Variants in GUCY2C observed in about 807,000 individuals in gnomAD.
GUCY2C encodes guanylate cyclase 2C.
Under a neutral mutation model 131.1 loss-of-function variants are expected in GUCY2C, and 118 were observed. The observed-to-expected ratio is 0.90, with a 90% confidence interval of 0.78 to 1.05. The LOEUF (loss-of-function observed/expected upper bound fraction) is 1.05, where lower values mean the gene tolerates loss of function less well. GUCY2C is among the 50% of genes least tolerant of loss of function. GUCY2C has a pLI of 0.00. For missense variants in GUCY2C, 1,161 were observed against 1,304.4 expected (o/e 0.89, Z 1.69); for synonymous variants, 452 against 457.8 (o/e 0.99, Z 0.16).
rs769863207 is a variant in GUCY2C, at chr12:14,628,626, A to G, written c.2249+20T>C. ...TAAAACCCTGCAATTAGTGAATAAA[A>G]GTAAACATTTCAGCAATACCCAAAT... On this transcript the variant is annotated intron_variant, in intron 20 of 26. Coordinates refer to ENST00000261170, the MANE Select transcript of GUCY2C (RefSeq NM_004963.4). 1.6e-6 allele frequency: 2 copies of G among 1,246,600 alleles called. No homozygotes were observed. The highest frequency in any genetic ancestry group is 1.7e-5 in the Admixed American group (1 of 59,396). 77.2% of individuals were successfully genotyped at this position (1,246,600 alleles called of 1,614,324 possible). A position where few individuals can be genotyped will look rare whatever the true frequency, so the allele number is the denominator to read the frequency against.
intron 7 of GUCY2C, among the ~76,000 whole-genome samples, chr12:14,675,207 C>CA (rs35870014): frequency 0.11 from 3,918 of 34,532 alleles, 272 homozygotes; most frequent in Admixed American, 0.18. Flanking sequence ...AACTCCATCT[C>CA]AAAAAAAAAA....
intron 10 of GUCY2C, among the ~76,000 whole-genome samples, chr12:14,666,333 G>A (rs1947979447): frequency 6.6e-6 from 1 of 152,210 alleles, no homozygotes; most frequent in Admixed American, 6.5e-5. Context: ...GTACAGCTGC[G>A]GGCATTCATC....
chr12:14,687,670 A>G (rs915176120), intron 2 of GUCY2C, among the ~76,000 whole-genome samples: 1 of 152,174 alleles, frequency 6.6e-6, no homozygotes, highest in Non-Finnish European at 1.5e-5. Flanking sequence ...AAAATTTTTA[A>G]AACAATTTAA....
chr12:14,668,923 C>A (rs181817491), intron 10 of GUCY2C, among the ~76,000 whole-genome samples: 33 of 152,220 alleles, frequency 2.2e-4, no homozygotes, highest in African/African-American at 7.5e-4. Flanking sequence ...ATCATTGCAA[C>A]CCAAATATGT....
At chr12:14,665,476 T>C (rs779499991) in intron 10 of GUCY2C, among the ~76,000 whole-genome samples, 50 of 152,318 alleles carry the variant, frequency 3.3e-4, no homozygotes, top group Admixed American at 5.9e-4. Context: ...ACTTGGACTG[T>C]ATTCTGTAGG....
At chr12:14,623,200 C>G (rs1473762276) in intron 21 of GUCY2C, among the ~76,000 whole-genome samples, 1 of 152,172 alleles carries the variant, frequency 6.6e-6, no homozygotes, top group Non-Finnish European at 1.5e-5. Flanking sequence ...GCCTTCAGTC[C>G]CACCCATCAG....
intron 20 of GUCY2C, among the ~76,000 whole-genome samples, 195 bp from the exon 21 acceptor site, chr12:14,626,110 C>A (rs577062743): frequency 1.3e-5 from 2 of 152,144 alleles, no homozygotes; most frequent in South Asian, 4.1e-4. Flanking sequence ...GAGTCCGAGG[C>A]GGGAGGATCA....
intron 1 of GUCY2C, among the ~76,000 whole-genome samples, chr12:14,694,208 G>T (rs1948620473): frequency 6.6e-6 from 1 of 152,154 alleles, no homozygotes; most frequent in Admixed American, 6.5e-5. Flanking sequence ...AATAAATCAA[G>T]ATCTGTCAGG....
chr12:14,675,230 GA>G (rs1338137300), intron 7 of GUCY2C, among the ~76,000 whole-genome samples: 1 of 97,886 alleles, frequency 1.0e-5, no homozygotes, highest in East Asian at 3.2e-4. Context: ...AAAAAAAAAA[GA>G]AAAAAAGAAA....
intron 5 of GUCY2C, 37 bp downstream of exon 5, chr12:14,681,319 A>T (rs1283666707): frequency 6.3e-6 from 10 of 1,596,052 alleles, no homozygotes; most frequent in East Asian, 4.5e-5. Context: ...CATAAAGAAG[A>T]AGTTAGCAAA....
rs7955647 is a variant in GUCY2C at position 14,618,957 on chromosome 12, T to A, written c.2875+254A>T. Among the ~76,000 whole-genome samples, 137,916 of 152,146 alleles carry A rather than the reference T, an allele frequency of 0.91. 63,829 individuals carry two copies. Among genetic ancestry groups the A allele is most frequent in the Non-Finnish European group, 0.99 (67,461 of 68,026 alleles). ...CTAAGTAGAATATCCCCAGATTCAT[T>A]GTATATGAGCCAAAAATATAGAAAT... On this transcript the variant is annotated intron_variant, in intron 24 of 26. Coordinates refer to ENST00000261170, the MANE Select transcript of GUCY2C (RefSeq NM_004963.4).
intron 11 of GUCY2C, among the ~76,000 whole-genome samples, chr12:14,660,647 T>C (rs1488625811): frequency 6.6e-6 from 1 of 152,232 alleles, no homozygotes; most frequent in Non-Finnish European, 1.5e-5. Context: ...TTTGTATACA[T>C]GTTCCATTTC....
chr12:14,634,314 A>T (rs1423083666), intron 19 of GUCY2C, among the ~76,000 whole-genome samples: 1 of 152,212 alleles, frequency 6.6e-6, no homozygotes, highest in Non-Finnish European at 1.5e-5. Flanking sequence ...AGAAGAAATA[A>T]AGGCTGTCCC....
intron 11 of GUCY2C, among the ~76,000 whole-genome samples, chr12:14,657,375 T>G (rs1257442673): frequency 6.6e-6 from 1 of 152,182 alleles, no homozygotes. Flanking sequence ...AAAAAATATG[T>G]TTAAAGAAAA....
chr12:14,648,442 AC>A (rs1226230820), intron 15 of GUCY2C, among the ~76,000 whole-genome samples: 1 of 152,036 alleles, frequency 6.6e-6, no homozygotes, highest in African/African-American at 2.4e-5. Context: ...CTCTACAGAA[AC>A]CTCAACCTTC....
chr12:14,653,008 C>G lies in GUCY2C; in HGVS notation c.1477G>C (p.Asp493His). 1 of 1,609,760 alleles carries G rather than the reference C, an allele frequency of 6.2e-7. No homozygotes were observed. The highest frequency in any genetic ancestry group is 8.5e-7 in the Non-Finnish European group (1 of 1,176,036). The change falls in exon 13 of 27, where the codon GAT (aspartate) becomes CAT (histidine). Residue 493 changes from aspartate (D) to histidine (H), a missense_variant. By Grantham distance (81) the Asp-to-His change is moderately conservative (BLOSUM62 -1). Coordinates refer to ENST00000261170, the MANE Select transcript of GUCY2C (RefSeq NM_004963.4). ...ETNHVSLKID[D>H]DKRRDTIQRL... The stretch of plus-strand genomic sequence containing the variant: ...TGGATTGTATCTCGTCTTTTGTCAT[C>G]ATCGATCTGGCACAAGAAAAGGCTA...
chr12:14,649,583 T>C (rs1487844624), intron 15 of GUCY2C, among the ~76,000 whole-genome samples: 1 of 152,172 alleles, frequency 6.6e-6, no homozygotes, highest in African/African-American at 2.4e-5. Flanking sequence ...AATAATTGGA[T>C]ATGGTTAATT....
chr12:14,644,084 A>G (rs1048915389), intron 16 of GUCY2C, among the ~76,000 whole-genome samples: 2 of 152,228 alleles, frequency 1.3e-5, no homozygotes, highest in African/African-American at 4.8e-5. Context: ...AATATGAATA[A>G]TAGTGCCTTG....
intron 2 of GUCY2C, among the ~76,000 whole-genome samples, chr12:14,687,431 G>A (rs1386228841): frequency 1.3e-5 from 2 of 152,100 alleles, no homozygotes; most frequent in Non-Finnish European, 2.9e-5. Context: ...ACCAGCCTGA[G>A]CAACGTGGTG....
Sources: gnomAD v4.1 joint callset for allele counts (sites outside exome capture counted in the v4.1 genomes callset) on GRCh38, gnomAD v4.1.1 for gene constraint, MANE v1.5 for transcripts, NCBI Gene and HGNC (gene_info 2026-07-23, HGNC 2026-07-21) for gene names.